The following ESR1 variants were observed in gnomAD, a reference collection of about 807,000 sequenced individuals.
The protein encoded by ESR1 is estrogen receptor 1.
ESR1 carries 12 observed loss-of-function variants against 52.7 expected under a neutral mutation model. The observed-to-expected ratio is 0.23, with a 90% confidence interval of 0.15 to 0.37. The LOEUF (loss-of-function observed/expected upper bound fraction) is 0.37. ESR1 is among the 10% of genes least tolerant of loss of function. The probability of loss-of-function intolerance (pLI) is 1.00; values close to 1 mark genes in which losing one functional copy is unlikely to be tolerated. For missense variants in ESR1, 584 were observed against 779.7 expected (o/e 0.75, Z 2.99); for synonymous variants, 305 against 316.8 (o/e 0.96, Z 0.39).
chr6:151,692,373 A>T (rs1206021839), intron 1 of ESR1, among the ~76,000 whole-genome samples: 1 of 152,210 alleles, frequency 6.6e-6, no homozygotes, highest in East Asian at 1.9e-4. Flanking sequence ...GTTGCTCAGA[A>T]CAATCGCTTG....
intron 2 of ESR1, among the ~76,000 whole-genome samples, chr6:151,724,748 G>A (rs564905920): frequency 6.6e-6 from 1 of 152,314 alleles, no homozygotes; most frequent in South Asian, 2.1e-4. Context: ...TGAGGTGGGG[G>A]AAATTCGCCC....
chr6:151,824,778 G>A (rs759666390), intron 1 of ESR1, among the ~76,000 whole-genome samples: 7 of 152,006 alleles, frequency 4.6e-5, no homozygotes, highest in African/African-American at 7.2e-5. Context: ...AAAATTAGCC[G>A]GGCGTGGTGG....
intron 2 of ESR1, among the ~76,000 whole-genome samples, chr6:151,784,818 T>C (rs1786869320): frequency 6.6e-6 from 1 of 152,214 alleles, no homozygotes; most frequent in South Asian, 2.1e-4. Flanking sequence ...TGCCTTTTAT[T>C]CATGTCTTTA....
At chr6:151,992,995 A>T (rs958605872) in intron 4 of ESR1, among the ~76,000 whole-genome samples, 1 of 152,146 alleles carries the variant, frequency 6.6e-6, no homozygotes, top group Non-Finnish European at 1.5e-5. Flanking sequence ...AATTGCAAAA[A>T]GTTGATGGGG....
At chr6:151,866,025 GACCTTAAA>G (rs1789842373) in intron 2 of ESR1, among the ~76,000 whole-genome samples, 2 of 152,218 alleles carry the variant, frequency 1.3e-5, no homozygotes, top group Admixed American at 1.3e-4. Context: ...AGGTGGTGTA[GACCTTAAA>G]ACCACTCCTG....
chr6:152,098,801 G>A lies in ESR1; in HGVS notation c.1623G>A (p.Leu541=), dbSNP rs2050844285. 2 of 1,614,140 alleles carry A rather than the reference G, an allele frequency of 1.2e-6. No homozygotes were observed. Among genetic ancestry groups the A allele is most frequent in the East Asian group, 4.5e-5 (2 of 44,858 alleles). ...KNVVPLYDLL[L]EMLDAHRLHA... is the part of the protein sequence containing the mutation. ...TGGTGCCCCTCTATGACCTGCTGCT[G>A]GAGATGCTGGACGCCCACCGCCTAC... The change falls in exon 8 of 8, where the codon CTG becomes CTA. Residue 541 remains leucine, a synonymous_variant. Transcript: ENST00000206249. This position sits in a 1 kb window ranked among gnomAD's most constrained non-coding sequence, Gnocchi z 5.1.
At chr6:151,665,585 C>T (rs988181752) in intron 1 of ESR1, among the ~76,000 whole-genome samples, 5 of 152,290 alleles carry the variant, frequency 3.3e-5, no homozygotes, top group Admixed American at 1.3e-4. Flanking sequence ...CTCTCCACCA[C>T]TCCACTCCAC....
rs140055748 is a variant in ESR1 at position 151,706,935 on chromosome 6, T to G, written c.-71+4930T>G. Among the ~76,000 whole-genome samples, 33 of 152,242 alleles carry G rather than the reference T, an allele frequency of 2.2e-4. 1 individual carries two copies. In the East Asian group the frequency reaches 6.0e-3, roughly 28 times the overall value. ...AGGATTTGTCCTCAAAACGTGAGGATTTGTGGTGTTCCAGGGTTTATATGA... is the reference window on the plus strand; with the variant it reads ...AGGATTTGTCCTCAAAACGTGAGGAGTTGTGGTGTTCCAGGGTTTATATGA... On this transcript the variant is annotated intron_variant, in intron 2 of 2. Transcript: ENST00000404742.
At position 152,102,676 on chromosome 6, in the gene ESR1, T is replaced by C. The variant is rs961466456; in HGVS notation, c.*3710T>C. 9.1e-6 allele frequency: 2 copies of C among 220,174 alleles called. No homozygotes were observed. The highest frequency in any genetic ancestry group is 4.5e-5 in the African/African-American group (2 of 44,638). The allele number at this position is 220,174 out of a possible 1,614,324, so 13.6% of individuals were successfully genotyped here. ...TTGAATTAAAGTGTGGCCTCGTTTT[T>C]AGTCATTTAAAATTGTTTTCTAAGT... On this transcript the variant is annotated 3_prime_UTR_variant, in exon 8 of 8. Transcript: ENST00000206249.
intron 5 of ESR1, among the ~76,000 whole-genome samples, chr6:152,016,022 G>T (rs2043142462): frequency 6.6e-6 from 1 of 152,136 alleles, no homozygotes; most frequent in South Asian, 2.1e-4. Flanking sequence ...GTGGGGCCAG[G>T]TGGAGATAAT....
At chr6:151,929,238 C>A (rs1262214448) in intron 3 of ESR1, among the ~76,000 whole-genome samples, 1 of 152,110 alleles carries the variant, frequency 6.6e-6, no homozygotes, top group Non-Finnish European at 1.5e-5. Context: ...TGTTTTGATT[C>A]ACTTTTGTTA....
intron 6 of ESR1, among the ~76,000 whole-genome samples, chr6:152,065,218 A>C (rs1562745018): frequency 6.6e-6 from 1 of 152,244 alleles, no homozygotes; most frequent in African/African-American, 2.4e-5. Flanking sequence ...CCACGTAATT[A>C]GATTTAGAGA....
At chr6:152,065,746 G>A (rs1222819016) in intron 6 of ESR1, among the ~76,000 whole-genome samples, 1 of 152,080 alleles carries the variant, frequency 6.6e-6, no homozygotes, top group Non-Finnish European at 1.5e-5. Context: ...CCTTCTGTGT[G>A]CTGCTGGCTT....
At chr6:151,816,981 G>T (rs779340573) in intron 1 of ESR1, among the ~76,000 whole-genome samples, 1 of 152,192 alleles carries the variant, frequency 6.6e-6, no homozygotes, top group Non-Finnish European at 1.5e-5. Context: ...AGCAATCCCA[G>T]AGAGGGAATT....
At chr6:152,046,835 T>G (rs1216862178) in intron 5 of ESR1, among the ~76,000 whole-genome samples, 1 of 152,198 alleles carries the variant, frequency 6.6e-6, no homozygotes, top group Non-Finnish European at 1.5e-5. Context: ...ATGAAAAGGC[T>G]GGCAATTCTA....
chr6:151,997,986 A>T (rs2041639368), intron 4 of ESR1, among the ~76,000 whole-genome samples: 2 of 152,068 alleles, frequency 1.3e-5, no homozygotes, highest in African/African-American at 4.8e-5. Flanking sequence ...ACTTCTTGGC[A>T]TTTTGTTCCT....
upstream of ESR1, among the ~76,000 whole-genome samples, chr6:151,685,805 A>T (rs1306607309): frequency 3.9e-5 from 6 of 152,166 alleles, no homozygotes; most frequent in African/African-American, 1.4e-4. Flanking sequence ...CTCACATAAG[A>T]TGTTTATGGC....
Position 151,874,032 on chromosome 6 carries a change from C to T in ESR1, c.644-6623C>T, listed in dbSNP as rs75501959. The stretch of plus-strand genomic sequence containing the variant: ...TCGGACTCCTCCAATGAGGCTTTTT[C>T]GCAGGATTAGCTAAAATTGGCTCTT... On this transcript the variant is annotated intron_variant, in intron 2 of 7. Transcript: ENST00000206249. 3.2e-3 allele frequency among the ~76,000 whole-genome samples: 483 copies of T among 152,194 alleles called. 5 individuals are homozygous for T. The highest frequency in any genetic ancestry group is 0.025 in the East Asian group (130 of 5,182).
chr6:151,672,948 C>G (rs1470772706), intron 1 of ESR1, among the ~76,000 whole-genome samples: 3 of 151,698 alleles, frequency 2.0e-5, no homozygotes, highest in Non-Finnish European at 4.4e-5. Context: ...CCTGCCTCAG[C>G]CTCCCGAGTA....
Sources: allele counts gnomAD v4.1 joint callset (sites outside exome capture counted in the v4.1 genomes callset), GRCh38; gene constraint gnomAD v4.1.1; non-coding constraint Gnocchi (gnomAD v3.1); transcripts MANE v1.5; gene names NCBI Gene and HGNC (gene_info 2026-07-23, HGNC 2026-07-21).